The following MALRD1 variants were observed in gnomAD, a reference collection of about 807,000 sequenced individuals.
MALRD1 encodes the protein MAM and LDL-receptor class A domain-containing protein 1.
In MALRD1, 247 loss-of-function variants were observed where a neutral mutation model predicts 242.1. The observed-to-expected ratio is 1.02, with a 90% confidence interval of 0.92 to 1.13. The LOEUF is 1.13. MALRD1 is among the 50% of genes most tolerant of loss of function. MALRD1 has a pLI of 0.00. For synonymous variants in MALRD1, 995 were observed against 866.6 expected, an observed-to-expected ratio of 1.15 and a Z score of -2.60; for missense variants, 2,989 against 2,533.1, an observed-to-expected ratio of 1.18 and a Z score of -3.86.
intron 26 of MALRD1, 120 bp from the exon 27 acceptor site, chr10:19,387,408 A>T: frequency 1.6e-6 from 2 of 1,270,792 alleles, no homozygotes; most frequent in Non-Finnish European, 2.1e-6. Flanking sequence ...AGGTACCTCA[A>T]ATTCCTAAGA....
chr10:19,712,279 C>A (rs1398727843), intron 38 of MALRD1, among the ~76,000 whole-genome samples: 1 of 152,024 alleles, frequency 6.6e-6, no homozygotes, highest in African/African-American at 2.4e-5. Context: ...GAATAAAATC[C>A]TAATTGTATC....
At chr10:19,178,408 T>TG (rs1290447273) in intron 14 of MALRD1, among the ~76,000 whole-genome samples, 1 of 152,194 alleles carries the variant, frequency 6.6e-6, no homozygotes. Flanking sequence ...AAACGTGCCA[T>TG]GCTCCATTGA....
In MALRD1 at chr10:19,094,084, G is replaced by T. The variant is rs1407118972; in HGVS notation, c.597+5899G>T. The stretch of plus-strand genomic sequence containing the variant: ...TGCCCCCAGAGGTGGAGCCTACAGA[G>T]GCAGGCAGGCCTCCTTGAGCTGTGG... On this transcript the variant is annotated intron_variant, in intron 4 of 39. Coordinates refer to ENST00000454679, the MANE Select transcript of MALRD1 (RefSeq NM_001142308.3). 1.2e-4 allele frequency among the ~76,000 whole-genome samples: 13 copies of T among 109,790 alleles called. 1 individual carries two copies. The South Asian group carries it at 2.3e-3, about 20-fold the overall frequency. The allele number at this position is 109,790 out of a possible 152,430, so 72.0% of individuals were successfully genotyped here. A position where few individuals can be genotyped will look rare whatever the true frequency, so the allele number is the denominator to read the frequency against.
At chr10:19,674,209 G>A (rs997535954) in intron 36 of MALRD1, among the ~76,000 whole-genome samples, 5 of 152,278 alleles carry the variant, frequency 3.3e-5, no homozygotes, top group South Asian at 2.1e-4. Context: ...AGGGAATGGC[G>A]TAACCTCATC....
intron 28 of MALRD1, among the ~76,000 whole-genome samples, chr10:19,437,437 A>G (rs1331710967): frequency 6.6e-6 from 1 of 152,106 alleles, no homozygotes; most frequent in African/African-American, 2.4e-5. Flanking sequence ...GGAGTTTAGA[A>G]ATGTCACCAG....
intron 26 of MALRD1, among the ~76,000 whole-genome samples, chr10:19,376,171 C>A (rs1845583265): frequency 6.6e-6 from 1 of 152,110 alleles, no homozygotes; most frequent in African/African-American, 2.4e-5. Flanking sequence ...AAACTTCGAG[C>A]TCTGTTGATT....
chr10:19,441,334 C>G (rs1463093837), intron 28 of MALRD1, among the ~76,000 whole-genome samples: 1 of 152,154 alleles, frequency 6.6e-6, no homozygotes, highest in Non-Finnish European at 1.5e-5. Context: ...TGCAGAAGCT[C>G]TTTCATTTAA....
rs757142139 is a variant in MALRD1, at chr10:19,567,691, T to C, written c.5668T>C (p.Cys1890Arg). The part of the protein sequence containing the change: ...ALDDISFTPE[C>R]VTGGPVPVQP... Reference sequence around the variant, plus strand: ...TGATGACATCTCTTTTACCCCAGAGTGTGTGACTGGAGGTAAGTGATTCTT... The same window carrying C: ...TGATGACATCTCTTTTACCCCAGAGCGTGTGACTGGAGGTAAGTGATTCTT... Residue 1890 changes from cysteine to arginine, a missense_variant, in exon 33 of 40, where the codon TGT becomes CGT. Physicochemically the swap from Cys to Arg is radical, Grantham distance 180. Transcript: ENST00000454679. 2.6e-6 allele frequency: 4 copies of C among 1,550,278 alleles called. No homozygotes were observed. Among genetic ancestry groups the C allele is most frequent in the Non-Finnish European group, 3.5e-6 (4 of 1,146,668 alleles).
rs964207993 is a variant in MALRD1 at position 19,104,096 on chromosome 10, T to A, written c.694+21T>A. The A allele has an allele frequency of 8.4e-6, 10 of 1,184,214 alleles. No individual in the cohort carries two copies. The Admixed American group carries it at 1.7e-4, about 20-fold the overall frequency. The allele number at this position is 1,184,214 out of a possible 1,614,324, so 73.4% of individuals were successfully genotyped here. A position where few individuals can be genotyped will look rare whatever the true frequency, so the allele number is the denominator to read the frequency against. On this transcript the variant is annotated intron_variant, in intron 5 of 39. Coordinates refer to ENST00000454679, the MANE Select transcript of MALRD1 (RefSeq NM_001142308.3). ...CAATGGTAAGAACTTTTTCTCTCAT[T>A]TTGATCTTTACTGTGTTTAAAGATT...
At chr10:19,137,963 T>C (rs1354087546) in intron 10 of MALRD1, among the ~76,000 whole-genome samples, 1 of 152,222 alleles carries the variant, frequency 6.6e-6, no homozygotes, top group Non-Finnish European at 1.5e-5. Context: ...TTTAGTGAGA[T>C]ATTTTGTTGA....
At chr10:19,631,074 C>G (rs1034102383) in intron 36 of MALRD1, among the ~76,000 whole-genome samples, 1 of 152,064 alleles carries the variant, frequency 6.6e-6, no homozygotes, top group Non-Finnish European at 1.5e-5. Context: ...GTTTGTTGGA[C>G]AGATTATTCA....
intron 12 of MALRD1, among the ~76,000 whole-genome samples, chr10:19,165,120 A>T (rs2131503003): frequency 6.6e-6 from 1 of 151,506 alleles, no homozygotes; most frequent in African/African-American, 2.4e-5. Context: ...TCATATTTGT[A>T]AGAAGCCAGA....
intron 28 of MALRD1, among the ~76,000 whole-genome samples, chr10:19,390,346 C>A (rs145248807): frequency 3.7e-4 from 56 of 152,274 alleles, no homozygotes; most frequent in African/African-American, 1.3e-3. Flanking sequence ...AAGGACTGAA[C>A]TACTCAGGAG....
chr10:19,489,754 C>G (rs1837400635), intron 29 of MALRD1, among the ~76,000 whole-genome samples: 1 of 152,176 alleles, frequency 6.6e-6, no homozygotes, highest in Admixed American at 6.5e-5. Context: ...GAGTCACAAT[C>G]TTGCATCTAA....
chr10:19,553,337 T>A (rs1410347082), intron 32 of MALRD1, among the ~76,000 whole-genome samples: 2 of 152,170 alleles, frequency 1.3e-5, no homozygotes, highest in Non-Finnish European at 2.9e-5. Context: ...ATATATTGAA[T>A]TCTTCATATA....
intron 21 of MALRD1, among the ~76,000 whole-genome samples, chr10:19,295,115 G>T (rs962986060): frequency 6.6e-6 from 1 of 151,874 alleles, no homozygotes; most frequent in Non-Finnish European, 1.5e-5. Context: ...ATCAATCTTC[G>T]TTGAACAATG....
At chr10:19,320,063 T>C (rs1170064434) in intron 21 of MALRD1, among the ~76,000 whole-genome samples, 47 of 83,830 alleles carry the variant, frequency 5.6e-4, no homozygotes, top group African/African-American at 2.2e-3. Context: ...TTTTTTTTTT[T>C]CAAATTTTAC....
chr10:19,508,757 A>G (rs1026352815), intron 31 of MALRD1, among the ~76,000 whole-genome samples: 1 of 152,324 alleles, frequency 6.6e-6, no homozygotes. Flanking sequence ...TGTGGCTACT[A>G]AATATTCTAA....
At chr10:19,106,181 G>A (rs79627505) in intron 5 of MALRD1, among the ~76,000 whole-genome samples, 15 of 151,754 alleles carry the variant, frequency 9.9e-5, no homozygotes, top group Admixed American at 8.5e-4. Flanking sequence ...ACAGCTTCTA[G>A]TATCTATCAT....
Sources: gnomAD v4.1 joint callset for allele counts (sites outside exome capture counted in the v4.1 genomes callset) on GRCh38, gnomAD v4.1.1 for gene constraint, MANE v1.5 for transcripts, NCBI Gene and HGNC (gene_info 2026-07-23, HGNC 2026-07-21) for gene names.